SYT10: variants seen among roughly 807,000 people sequenced by gnomAD.
SYT10 encodes the protein synaptotagmin-10.
A neutral mutation model predicts 51.1 loss-of-function variants in SYT10; 31 were observed. The ratio of observed to expected loss-of-function variants is 0.61; its 90% confidence interval spans 0.46 to 0.82. The LOEUF (loss-of-function observed/expected upper bound fraction) is 0.82, where lower values mean the gene tolerates loss of function less well. Among genes scored for constraint, SYT10 ranks in the 40% least tolerant of loss-of-function variants. The pLI, the probability that SYT10 is intolerant of heterozygous loss-of-function variation, is 0.00. For synonymous variants in SYT10, 233 were observed against 225.9 expected (o/e 1.03, Z -0.28); for missense variants, 603 against 634.0 (o/e 0.95, Z 0.53).
At chr12:33,397,931 T>C (rs1040375101) in intron 3 of SYT10, among the ~76,000 whole-genome samples, 10 of 151,764 alleles carry the variant, frequency 6.6e-5, no homozygotes, top group African/African-American at 1.9e-4. Context: ...TGAGGTGAAA[T>C]TGATGCAGAG....
chr12:33,431,208 T>G (rs2138437910), intron 1 of SYT10, among the ~76,000 whole-genome samples: 1 of 152,276 alleles, frequency 6.6e-6, no homozygotes, highest in Middle Eastern at 3.4e-3. Context: ...AAGTACAAAT[T>G]TGAAGTTGTG....
intron 3 of SYT10, among the ~76,000 whole-genome samples, chr12:33,403,914 G>A (rs1403074181): frequency 6.6e-6 from 1 of 151,894 alleles, no homozygotes; most frequent in Non-Finnish European, 1.5e-5. Flanking sequence ...TAGAAATTTA[G>A]GTTTCATTAT....
intron 1 of SYT10, among the ~76,000 whole-genome samples, chr12:33,427,035 T>C (rs1269252698): frequency 6.6e-6 from 1 of 152,228 alleles, no homozygotes; most frequent in Non-Finnish European, 1.5e-5. Context: ...CTGATAATTT[T>C]GTATTATTTT....
intron 3 of SYT10, chr12:33,405,699 G>A (rs578062503): frequency 6.6e-6 from 1 of 151,920 alleles, no homozygotes; most frequent in South Asian, 2.1e-4. Flanking sequence ...AAACTTGTAA[G>A]TTGCGATACA....
At position 33,376,579 on chromosome 12, in the gene SYT10, C is replaced by A; in HGVS notation, c.*251G>T. On this transcript the variant is annotated 3_prime_UTR_variant, in exon 7 of 7. Coordinates refer to ENST00000228567, the MANE Select transcript of SYT10 (RefSeq NM_198992.4). ...AAGAATTACAACATAGTAAAACACT[C>A]TTTGTGCTAACAGGCATTTGATACG... The A allele has an allele frequency of 4.0e-6, 2 of 495,446 alleles. No individual in the cohort carries two copies. Among genetic ancestry groups the A allele is most frequent in the South Asian group, 3.1e-5 (1 of 31,858 alleles). The allele number at this position is 495,446 out of a possible 1,614,324, so 30.7% of individuals were successfully genotyped here. A position where few individuals can be genotyped will look rare whatever the true frequency, so the allele number is the denominator to read the frequency against.
At chr12:33,417,722 G>A (rs1259382731) in intron 2 of SYT10, among the ~76,000 whole-genome samples, 1 of 152,182 alleles carries the variant, frequency 6.6e-6, no homozygotes, top group Non-Finnish European at 1.5e-5. Flanking sequence ...CAAGTGTAGA[G>A]ATGACAGAGC....
chr12:33,431,907 GC>G (rs781086763), intron 1 of SYT10, among the ~76,000 whole-genome samples: 6 of 151,944 alleles, frequency 3.9e-5, no homozygotes, highest in Admixed American at 2.0e-4. Context: ...AGTACCCTTG[GC>G]CTGTATATCT....
rs374992917 is a variant in SYT10 at position 33,385,306 on chromosome 12, G to A, written c.1078-15C>T. 28 of 1,611,126 alleles carry A rather than the reference G, an allele frequency of 1.7e-5. No individual in the cohort carries two copies. The Admixed American group carries it at 1.8e-4, about 11-fold the overall frequency. ...TCTATACTTTCCTAGAAAGGCAATC[G>A]GCATGTTAGCAATTTCAAACATTGA... On this transcript the variant is annotated splice_polypyrimidine_tract_variant and intron_variant, in intron 3 of 6. Transcript: ENST00000228567.
rs774576203 is a variant in SYT10, at chr12:33,382,370, A to G, written c.1349T>C (p.Ile450Thr). 4 of 1,609,104 alleles carry G rather than the reference A, an allele frequency of 2.5e-6. No homozygotes were observed. The highest frequency in any genetic ancestry group is 2.2e-5 in the East Asian group (1 of 44,596). Residue 450 changes from isoleucine to threonine, a missense_variant, in exon 5 of 7, where the codon ATT (isoleucine) becomes ACT (threonine). Transcript: ENST00000228567. The stretch of plus-strand genomic sequence containing the variant: ...ATACCTATCGTAATCCATGACCGCA[A>G]TGGAGAGGCTGACCTGGTCCACGTT... ...PENVDQVSLS[I>T]AVMDYDRVGH...
intron 4 of SYT10, among the ~76,000 whole-genome samples, chr12:33,384,695 AC>A (rs1333526398): frequency 6.6e-6 from 1 of 152,180 alleles, no homozygotes; most frequent in African/African-American, 2.4e-5. Flanking sequence ...TTTATTTCAG[AC>A]CCTACAGATG....
At position 33,439,630 on chromosome 12, in the gene SYT10, CTT is replaced by C. The variant is rs1866668475; in HGVS notation, c.-110_-109del. 14 of 1,394,100 alleles carry C rather than the reference CTT, an allele frequency of 1.0e-5. No homozygotes were observed. In the South Asian group the frequency reaches 2.0e-4, roughly 19 times the overall value. 86.4% of individuals were successfully genotyped at this position (1,394,100 alleles called of 1,614,324 possible). A position where few individuals can be genotyped will look rare whatever the true frequency, so the allele number is the denominator to read the frequency against. On this transcript the variant is annotated 5_prime_UTR_variant, in exon 1 of 7. Transcript: ENST00000228567. ...CTAAGCCATAGTCCGCCCGCGGTGA[CTT>C]TGGCTGGAGATTGCGCCGCTGAGAG... is the stretch of plus-strand genomic sequence containing the variant.
chr12:33,384,098 T>C (rs2138386244), intron 4 of SYT10, among the ~76,000 whole-genome samples: 1 of 152,296 alleles, frequency 6.6e-6, no homozygotes, highest in South Asian at 2.1e-4. Context: ...CAAAAATCCA[T>C]GATAGACAGA....
chr12:33,382,629 A>C (rs1261911516), intron 4 of SYT10, 109 bp from the exon 5 acceptor site: 2 of 977,310 alleles, frequency 2.0e-6, no homozygotes, highest in Non-Finnish European at 2.8e-6. Context: ...GGCCTATATT[A>C]AGACCTTTAG....
intron 1 of SYT10, 64 bp from the exon 2 acceptor site, chr12:33,426,559 G>C: frequency 1.5e-6 from 2 of 1,302,472 alleles, no homozygotes. Context: ...GAAATGGAAA[G>C]AATATTTTAC....
intron 3 of SYT10, among the ~76,000 whole-genome samples, chr12:33,395,765 C>T (rs1048870183): frequency 6.6e-6 from 1 of 152,092 alleles, no homozygotes; most frequent in African/African-American, 2.4e-5. Context: ...ATGTTTTTGC[C>T]ACAAGTATTA....
intron 4 of SYT10, among the ~76,000 whole-genome samples, chr12:33,382,948 T>C (rs1042310914): frequency 2.6e-5 from 4 of 152,178 alleles, no homozygotes; most frequent in Admixed American, 1.3e-4. Flanking sequence ...AGGGGGGATA[T>C]TTGGTTTAAA....
At chr12:33,396,893 C>A (rs946507258) in intron 3 of SYT10, among the ~76,000 whole-genome samples, 1 of 152,152 alleles carries the variant, frequency 6.6e-6, no homozygotes, top group Non-Finnish European at 1.5e-5. Context: ...TCACCTCGGC[C>A]TCCCAAAGTG....
intron 1 of SYT10, among the ~76,000 whole-genome samples, chr12:33,438,940 G>A (rs1253334493): frequency 6.6e-6 from 1 of 152,238 alleles, no homozygotes; most frequent in Non-Finnish European, 1.5e-5. Context: ...CAACAAGGCC[G>A]GGACCAGCGG....
At chr12:33,433,858 C>T (rs1013836791) in intron 1 of SYT10, among the ~76,000 whole-genome samples, 1 of 152,148 alleles carries the variant, frequency 6.6e-6, no homozygotes, top group Non-Finnish European at 1.5e-5. Flanking sequence ...CCCCCAGAAT[C>T]TCCTCTTCCT....
Sources: allele counts gnomAD v4.1 joint callset (sites outside exome capture counted in the v4.1 genomes callset), GRCh38; gene constraint gnomAD v4.1.1; transcripts MANE v1.5; gene names NCBI Gene and HGNC (gene_info 2026-07-23, HGNC 2026-07-21).